RBL1: variants seen among roughly 807,000 people sequenced by gnomAD.
RBL1 encodes the protein retinoblastoma-like protein 1.
In RBL1, 82 loss-of-function variants were observed where a neutral mutation model predicts 123.0. The ratio of observed to expected loss-of-function variants is 0.67; its 90% CI spans 0.56 to 0.80. The LOEUF (loss-of-function observed/expected upper bound fraction) is 0.80, where lower values mean the gene tolerates loss of function less well. Ranked by LOEUF, RBL1 falls within the 30% of genes least tolerant of loss-of-function variation. RBL1 has a pLI of 0.00. For missense variants in RBL1, 1,171 were observed against 1,299.6 expected, an observed-to-expected ratio of 0.90 and a Z score of 1.52; for synonymous variants, 405 against 441.3, an observed-to-expected ratio of 0.92 and a Z score of 1.03.
chr20:37,084,895 A>G (rs1379251953), intron 2 of RBL1, among the ~76,000 whole-genome samples: 2 of 152,024 alleles, frequency 1.3e-5, no homozygotes, highest in African/African-American at 4.8e-5. Context: ...CCTCCCGAGT[A>G]GCTGGGATTA....
intron 18 of RBL1, among the ~76,000 whole-genome samples, chr20:37,020,436 T>C (rs1310588102): frequency 6.6e-6 from 1 of 152,118 alleles, no homozygotes; most frequent in Admixed American, 6.6e-5. Flanking sequence ...GCAGAACTTA[T>C]GAGAAGTATA....
At chr20:37,066,649 G>T in intron 6 of RBL1, 75 bp downstream of exon 6, 1 of 1,401,432 alleles carries the variant, frequency 7.1e-7, no homozygotes, top group Non-Finnish European at 9.8e-7. Flanking sequence ...CTGAGAACTT[G>T]CTTAAAACAT....
In RBL1 at chr20:37,032,846, A is replaced by G. The variant is rs541163964; in HGVS notation, c.2201T>C (p.Leu734Pro). ...ATTTGTATTCATGGAAAGAGGTATCAGTGTGATCTCTCCAGCATCATTTGC... is the reference window on the plus strand; with the variant it reads ...ATTTGTATTCATGGAAAGAGGTATCGGTGTGATCTCTCCAGCATCATTTGC... ...GVANDAGEIT[L>P]IPLSMNTNQE... The change falls in exon 16 of 22, where the codon CTG (leucine) becomes CCG (proline). Residue 734 changes from leucine to proline, a missense_variant. Leu to Pro is a moderately conservative substitution (Grantham distance 98, BLOSUM62 -3). Transcript: ENST00000373664. 1.1e-5 allele frequency: 18 copies of G among 1,613,966 alleles called. No homozygotes were observed. The Admixed American group carries it at 2.8e-4, about 25-fold the overall frequency.
At chr20:37,027,462 A>G (rs1404443197) in intron 16 of RBL1, among the ~76,000 whole-genome samples, 1 of 152,212 alleles carries the variant, frequency 6.6e-6, no homozygotes, top group Non-Finnish European at 1.5e-5. Context: ...CTAGCGTGCT[A>G]TAACTGTGCC....
At chr20:37,052,311 G>A (rs539471571) in intron 11 of RBL1, among the ~76,000 whole-genome samples, 6 of 151,920 alleles carry the variant, frequency 3.9e-5, no homozygotes, top group Non-Finnish European at 7.4e-5. Context: ...GATTACAGGC[G>A]TGAGCCGCCG....
intron 2 of RBL1, among the ~76,000 whole-genome samples, chr20:37,081,113 G>C (rs569083685): frequency 3.3e-5 from 5 of 152,276 alleles, no homozygotes; most frequent in African/African-American, 1.2e-4. Flanking sequence ...TCAAGGAATT[G>C]CTTTGATCAA....
At chr20:37,069,973 C>G (rs1307474800) in intron 2 of RBL1, among the ~76,000 whole-genome samples, 1 of 152,210 alleles carries the variant, frequency 6.6e-6, no homozygotes, top group Non-Finnish European at 1.5e-5. Context: ...GAGGTGTGCC[C>G]AACAGCTCAT....
intron 11 of RBL1, among the ~76,000 whole-genome samples, chr20:37,054,268 TG>T (rs991743358): frequency 6.6e-6 from 1 of 152,070 alleles, no homozygotes; most frequent in African/African-American, 2.4e-5. Context: ...GTGGATCACA[TG>T]GTCAGGAGTT....
At chr20:37,001,026 G>C (rs1283370280) in intron 21 of RBL1, among the ~76,000 whole-genome samples, 1 of 142,012 alleles carries the variant, frequency 7.0e-6, no homozygotes, top group African/African-American at 2.6e-5. Flanking sequence ...AGGGAGGTGG[G>C]GGGGGTCAGC....
At chr20:37,004,768 C>T (rs1424698272) in intron 20 of RBL1, among the ~76,000 whole-genome samples, 1 of 149,636 alleles carries the variant, frequency 6.7e-6, no homozygotes, top group Non-Finnish European at 1.5e-5. Flanking sequence ...TGGCTCACTC[C>T]TATAATCCCA....
intron 1 of RBL1, among the ~76,000 whole-genome samples, chr20:37,089,924 C>T (rs1296792946): frequency 6.6e-6 from 1 of 151,814 alleles, no homozygotes; most frequent in Non-Finnish European, 1.5e-5. Flanking sequence ...TGGTGGCATG[C>T]ACCTGTAGTC....
chr20:37,038,476 T>G (rs959197573), intron 14 of RBL1, among the ~76,000 whole-genome samples: 2 of 149,212 alleles, frequency 1.3e-5, no homozygotes, highest in Non-Finnish European at 3.0e-5. Context: ...AATTTTTGTA[T>G]TTTTAGTAGA....
intron 18 of RBL1, among the ~76,000 whole-genome samples, chr20:37,019,367 T>C (rs1182915092): frequency 1.3e-5 from 2 of 152,286 alleles, no homozygotes; most frequent in African/African-American, 2.4e-5. Context: ...CCTTGTACTG[T>C]ATTATAGGTT....
chr20:37,057,942 A>G (rs1194724058), intron 9 of RBL1, among the ~76,000 whole-genome samples: 1 of 151,968 alleles, frequency 6.6e-6, no homozygotes, highest in Non-Finnish European at 1.5e-5. Flanking sequence ...CCTGACCAAT[A>G]TGGTAAAACC....
intron 13 of RBL1, 103 bp from the exon 14 acceptor site, chr20:37,040,388 G>C: frequency 6.9e-7 from 1 of 1,459,578 alleles, no homozygotes; most frequent in Non-Finnish European, 9.0e-7. Flanking sequence ...GTCTCATTCT[G>C]TTGCCCAGGC....
chr20:37,043,918 A>G, intron 13 of RBL1, among the ~76,000 whole-genome samples, 168 bp downstream of exon 13: 1 of 151,800 alleles, frequency 6.6e-6, no homozygotes, highest in East Asian at 1.9e-4. Context: ...AGTGATGACT[A>G]TATTCTAAAA....
Position 37,089,121 on chromosome 20 carries a change from C to T in RBL1, c.158G>A (p.Gly53Glu), listed in dbSNP as rs1328281715. 1 of 1,596,134 alleles carries T rather than the reference C, an allele frequency of 6.3e-7. No homozygotes were observed. Among genetic ancestry groups the T allele is most frequent in the Non-Finnish European group, 8.5e-7 (1 of 1,171,140 alleles). ...TAIRGNYSLEGEVTHWLACSL... is the reference protein window; with the variant it reads ...TAIRGNYSLEEEVTHWLACSL... ...ACATGCCAACCAGTGTGTAACTTCT[C>T]CCTGGCAAGCAAAAGACAAACAGCA... is the stretch of plus-strand genomic sequence containing the variant. Residue 53 changes from glycine (G) to glutamate (E), a missense_variant and splice_region_variant, in exon 2 of 22, where the codon GGA becomes GAA. Physicochemically the swap from Gly to Glu is moderately conservative, Grantham distance 98. Coordinates refer to ENST00000373664, the MANE Select transcript of RBL1 (RefSeq NM_002895.5).
chr20:37,013,250 A>C (rs2064193358), intron 19 of RBL1, among the ~76,000 whole-genome samples: 2 of 152,016 alleles, frequency 1.3e-5, no homozygotes, highest in Admixed American at 6.6e-5. Flanking sequence ...ACTAAGAAAA[A>C]TTATTCTGCC....
chr20:37,037,322 T>C (rs569577002), intron 14 of RBL1, among the ~76,000 whole-genome samples: 1 of 152,352 alleles, frequency 6.6e-6, no homozygotes, highest in African/African-American at 2.4e-5. Context: ...AATAAGAATG[T>C]AATGAATATA....
Sources: allele counts gnomAD v4.1 joint callset (sites outside exome capture counted in the v4.1 genomes callset), GRCh38; gene constraint gnomAD v4.1.1; transcripts MANE v1.5; gene names NCBI Gene and HGNC (gene_info 2026-07-23, HGNC 2026-07-21).